ZIM2: variants seen among roughly 807,000 people sequenced by gnomAD.
ZIM2 encodes zinc finger protein 656.
Under a neutral mutation model 38.6 loss-of-function variants are expected in ZIM2, and 14 were observed. That is an observed-to-expected ratio of 0.36 (90% CI 0.24 to 0.57). The LOEUF is 0.57. Among genes scored for constraint, ZIM2 ranks in the 20% least tolerant of loss-of-function variants. The pLI, the probability that ZIM2 is intolerant of heterozygous loss-of-function variation, is 0.81. For synonymous variants in ZIM2, 247 were observed against 245.8 expected (o/e 1.00, Z -0.04); for missense variants, 680 against 695.1 (o/e 0.98, Z 0.24).
chr19:56,788,114 G>T (rs1299351922), intron 10 of ZIM2, among the ~76,000 whole-genome samples: 1 of 149,248 alleles, frequency 6.7e-6, no homozygotes, highest in African/African-American at 2.5e-5. Flanking sequence ...CTTCAGTTCT[G>T]CTCTGATCTT....
intron 4 of ZIM2, 62 bp from the exon 5 acceptor site, chr19:56,823,741 C>T (rs2060737028): frequency 6.3e-7 from 1 of 1,582,350 alleles, no homozygotes; most frequent in South Asian, 1.1e-5. Context: ...TAGTTCCCCC[C>T]AATCCCTGAG....
intron 7 of ZIM2, among the ~76,000 whole-genome samples, chr19:56,819,986 G>A (rs2060326064): frequency 6.6e-6 from 1 of 152,140 alleles, no homozygotes; most frequent in Non-Finnish European, 1.5e-5. Flanking sequence ...AAACTAAGTA[G>A]GGCAAGGAAA....
chr19:56,833,311 T>A (rs1407264219), intron 2 of ZIM2: 4 of 399,440 alleles, frequency 1.0e-5, no homozygotes, highest in Admixed American at 9.1e-5. Flanking sequence ...GGGGCTGGAA[T>A]TGAGAACTTT....
rs751139519 is a variant in ZIM2 at position 56,814,789 on chromosome 19, G to C, written c.490+2957C>G. 1 of 1,614,162 alleles carries C rather than the reference G, an allele frequency of 6.2e-7. No individual in the cohort carries two copies. The highest frequency in any genetic ancestry group is 1.3e-5 in the African/African-American group (1 of 75,052). Reference sequence around the variant, plus strand: ...TCGAATGGCCGACCCAGCAAGAGCAGGATTCCTCTCTGCAGCACGATTCCT... The same window carrying C: ...TCGAATGGCCGACCCAGCAAGAGCACGATTCCTCTCTGCAGCACGATTCCT... On this transcript the variant is annotated intron_variant, in intron 9 of 12. Transcript: ENST00000629319. The surrounding 1 kb of genome is among the most constrained non-coding windows in gnomAD (Gnocchi z 5.8).
intron 9 of ZIM2, chr19:56,816,987 G>T (rs564663200): frequency 1.2e-6 from 2 of 1,614,074 alleles, no homozygotes; most frequent in African/African-American, 2.7e-5. Flanking sequence ...TGTGGATAAA[G>T]GACTCACCAT....
chr19:56,833,451 C>A, intron 2 of ZIM2: 1 of 325,080 alleles, frequency 3.1e-6, no homozygotes, highest in Non-Finnish European at 6.0e-6. Context: ...CTTCAGCACG[C>A]ACATGGAGTA....
rs199697676 is a variant in ZIM2, at chr19:56,814,558, G to A, written c.490+3188C>T. ...AACAGTTACGTGATCTGCAAGTTCT[G>A]CTGGGTTGACGAAAGATTCTCCACA... On this transcript the variant is annotated intron_variant, in intron 9 of 12. Coordinates refer to ENST00000629319, the MANE Select transcript of ZIM2 (RefSeq NM_001387356.1). This position sits in a 1 kb window ranked among gnomAD's most constrained non-coding sequence, Gnocchi z 5.8. 13 of 1,613,696 alleles carry A rather than the reference G, an allele frequency of 8.1e-6. No individual in the cohort carries two copies. The highest frequency in any genetic ancestry group is 3.3e-4 in the Middle Eastern group (2 of 6,082).
chr19:56,810,936 T>C lies in ZIM2; in HGVS notation c.490+6810A>G, dbSNP rs879616111. ...ATCAGGACATTATTATAGGGAACATTTGAAAAAATTAAAGTGAAAGTATTT... is the reference window on the plus strand; with the variant it reads ...ATCAGGACATTATTATAGGGAACATCTGAAAAAATTAAAGTGAAAGTATTT... On this transcript the variant is annotated intron_variant, in intron 9 of 12. Coordinates refer to ENST00000629319, the MANE Select transcript of ZIM2 (RefSeq NM_001387356.1). 3 of 969,226 alleles carry C rather than the reference T, an allele frequency of 3.1e-6. No homozygotes were observed. In the African/African-American group the frequency reaches 5.3e-5, roughly 17 times the overall value. 60.0% of individuals were successfully genotyped at this position (969,226 alleles called of 1,614,324 possible).
chr19:56,814,356 T>TTCG lies in ZIM2; in HGVS notation c.490+3389_490+3390insCGA. 6.2e-7 allele frequency: 1 copy of TTCG among 1,613,230 alleles called. No homozygotes were observed. The highest frequency in any genetic ancestry group is 1.1e-5 in the South Asian group (1 of 91,072). On this transcript the variant is annotated intron_variant, in intron 9 of 12. Coordinates refer to ENST00000629319, the MANE Select transcript of ZIM2 (RefSeq NM_001387356.1). The surrounding 1 kb of genome is among the most constrained non-coding windows in gnomAD (Gnocchi z 5.8). ...CTGCTGCTGCTGCAGCTGCTGCTGC[T>TTCG]TCATCTTCTTCTTCTTCTTCCAGAT...
At chr19:56,837,462 C>G (rs2062282335) in intron 1 of ZIM2, among the ~76,000 whole-genome samples, 1 of 152,242 alleles carries the variant, frequency 6.6e-6, no homozygotes, top group Non-Finnish European at 1.5e-5. Context: ...CCACCTTTCC[C>G]CAAATCTCTT....
At chr19:56,779,338 TC>T (rs112489027) in intron 12 of ZIM2, 38 bp downstream of exon 12, 5 of 1,605,256 alleles carry the variant, frequency 3.1e-6, no homozygotes, top group Non-Finnish European at 4.3e-6. Flanking sequence ...ATTTACTGGT[TC>T]CCCCTCCTAC....
At position 56,814,332 on chromosome 19, in the gene ZIM2, T is replaced by TGCTGCTGCTGCA. The variant is rs765862516; in HGVS notation, c.490+3402_490+3413dup. On this transcript the variant is annotated intron_variant, in intron 9 of 12. Coordinates refer to ENST00000629319, the MANE Select transcript of ZIM2 (RefSeq NM_001387356.1). This position sits in a 1 kb window ranked among gnomAD's most constrained non-coding sequence, Gnocchi z 5.8. Reference sequence around the variant, plus strand: ...GGACATTGGCTTCAACTTCCTGGGCTGCTGCTGCTGCAGCTGCTGCTGCTT... The same window carrying TGCTGCTGCTGCA: ...GGACATTGGCTTCAACTTCCTGGGCTGCTGCTGCTGCAGCTGCTGCTGCAGCTGCTGCTGCTT... 6.2e-6 allele frequency: 10 copies of TGCTGCTGCTGCA among 1,612,384 alleles called. No individual in the cohort carries two copies. The highest frequency in any genetic ancestry group is 2.2e-5 in the East Asian group (1 of 44,872).
chr19:56,809,559 C>G (rs554310302), intron 9 of ZIM2, among the ~76,000 whole-genome samples: 59 of 152,054 alleles, frequency 3.9e-4, no homozygotes, highest in Non-Finnish European at 2.5e-4. Flanking sequence ...GGATGACAAT[C>G]TACTGAATTG....
intron 11 of ZIM2, among the ~76,000 whole-genome samples, chr19:56,780,243 T>A (rs2046255674): frequency 7.5e-6 from 1 of 132,568 alleles, no homozygotes; most frequent in African/African-American, 2.9e-5. Context: ...ATTTTCTTTT[T>A]TCTTTTTTTT....
chr19:56,826,877 T>C (rs2061094044), intron 2 of ZIM2, among the ~76,000 whole-genome samples: 1 of 152,240 alleles, frequency 6.6e-6, no homozygotes, highest in Non-Finnish European at 1.5e-5. Context: ...TACACATATA[T>C]ATGCTTCTAT....
intron 7 of ZIM2, 135 bp downstream of exon 7, chr19:56,821,516 C>A: frequency 2.6e-5 from 27 of 1,047,034 alleles, no homozygotes; most frequent in South Asian, 7.8e-5. Flanking sequence ...TGGGCCCGGG[C>A]TCCTCCTGGA....
At chr19:56,775,642 C>A in intron 12 of ZIM2, 113 bp from the exon 13 acceptor site, 1 of 1,459,360 alleles carries the variant, frequency 6.9e-7, no homozygotes, top group South Asian at 1.6e-5. Flanking sequence ...GGTTTCAGGT[C>A]TCTTTTCCTA....
At chr19:56,785,766 A>T (rs1195705177) in intron 10 of ZIM2, among the ~76,000 whole-genome samples, 8 of 152,226 alleles carry the variant, frequency 5.3e-5, no homozygotes, top group Non-Finnish European at 1.2e-4. Flanking sequence ...TCCAATTTTA[A>T]TGTGCACACA....
rs982073755 is a variant in ZIM2, at chr19:56,798,843, A to G, written c.491-8892T>C. The G allele has an allele frequency of 4.6e-5, 7 of 152,344 alleles. No individual in the cohort carries two copies. In the South Asian group the frequency reaches 6.2e-4, roughly 14 times the overall value. 9.4% of individuals were successfully genotyped at this position (152,344 alleles called of 1,614,324 possible). A position where few individuals can be genotyped will look rare whatever the true frequency, so the allele number is the denominator to read the frequency against. ...TCAAAAGAAGAAATTTATGTGGGCA[A>G]TGAACATTTTTTTTAAAAAAGCTCA... is the stretch of plus-strand genomic sequence containing the variant. On this transcript the variant is annotated intron_variant, in intron 9 of 12. Transcript: ENST00000629319.
Sources: gnomAD v4.1 joint callset for allele counts (sites outside exome capture counted in the v4.1 genomes callset) on GRCh38, gnomAD v4.1.1 for gene constraint, Gnocchi (gnomAD v3.1) non-coding constraint, MANE v1.5 for transcripts, NCBI Gene and HGNC (gene_info 2026-07-23, HGNC 2026-07-21) for gene names.